The following RELN variants were observed in gnomAD, a reference collection of about 807,000 sequenced individuals.
RELN encodes the protein reelin.
In RELN, 108 loss-of-function variants were observed where a neutral mutation model predicts 427.6. The observed-to-expected ratio is 0.25, with a 90% CI of 0.22 to 0.30. RELN has a LOEUF of 0.30. RELN is among the 10% of genes least tolerant of loss of function. The pLI, the probability that RELN is intolerant of heterozygous loss-of-function variation, is 1.00. For synonymous variants in RELN, 1,524 were observed against 1,513.4 expected (o/e 1.01, Z -0.16); for missense variants, 3,715 against 4,302.8 (o/e 0.86, Z 3.82).
intron 16 of RELN, among the ~76,000 whole-genome samples, chr7:103,643,411 T>C (rs369144777): frequency 1.3e-5 from 2 of 152,152 alleles, no homozygotes; most frequent in African/African-American, 2.4e-5. Context: ...TCTTGTATCA[T>C]GGCTTCCCAA....
chr7:103,923,115 C>T (rs1795651762), intron 1 of RELN, among the ~76,000 whole-genome samples: 1 of 152,084 alleles, frequency 6.6e-6, no homozygotes, highest in Non-Finnish European at 1.5e-5. Context: ...TTGCATTTTG[C>T]CTTATGAAGA....
chr7:103,481,849 GACTGTTACTTTAA>G (rs1828249905), intron 63 of RELN: 2 of 152,134 alleles, frequency 1.3e-5, no homozygotes, highest in Non-Finnish European at 2.9e-5. Context: ...AATGAGTCTG[GACTGTTACTTTAA>G]ACTTCAACTT....
chr7:103,736,405 A>G (rs1790493533), intron 6 of RELN, among the ~76,000 whole-genome samples: 1 of 152,222 alleles, frequency 6.6e-6, no homozygotes, highest in South Asian at 2.1e-4. Flanking sequence ...AGTTCATTGT[A>G]TAAGACTGAG....
intron 2 of RELN, among the ~76,000 whole-genome samples, chr7:103,914,256 AC>A (rs1795433491): frequency 6.6e-6 from 1 of 152,158 alleles, no homozygotes; most frequent in Admixed American, 6.6e-5. Context: ...AAATGTGCTT[AC>A]AACACACTTA....
intron 2 of RELN, among the ~76,000 whole-genome samples, chr7:103,837,295 G>C (rs1023499720): frequency 6.6e-6 from 1 of 152,106 alleles, no homozygotes; most frequent in Non-Finnish European, 1.5e-5. Flanking sequence ...GCTCCCATCA[G>C]ATTCTAGAGA....
chr7:103,501,093 G>T (rs534605616), intron 52 of RELN, among the ~76,000 whole-genome samples, 171 bp from the exon 53 acceptor site: 1 of 152,082 alleles, frequency 6.6e-6, no homozygotes, highest in East Asian at 1.9e-4. Flanking sequence ...TCTAGTAATG[G>T]AACTTTCAAG....
intron 64 of RELN, among the ~76,000 whole-genome samples, chr7:103,473,362 AAAAAC>A (rs1230889060): frequency 6.6e-6 from 1 of 152,314 alleles, no homozygotes; most frequent in African/African-American, 2.4e-5. Flanking sequence ...CTTAAAAACT[AAAAAC>A]AAAGAAACAG....
At chr7:103,912,441 C>T (rs1162290691) in intron 2 of RELN, among the ~76,000 whole-genome samples, 1 of 152,104 alleles carries the variant, frequency 6.6e-6, no homozygotes, top group Non-Finnish European at 1.5e-5. Flanking sequence ...CACTTGGCCT[C>T]CCAAAGTGCT....
intron 3 of RELN, among the ~76,000 whole-genome samples, chr7:103,819,177 G>C (rs989155145): frequency 1.3e-5 from 2 of 151,778 alleles, no homozygotes; most frequent in Admixed American, 6.6e-5. Context: ...AGGTAAAATT[G>C]TATTAAAACT....
intron 24 of RELN, among the ~76,000 whole-genome samples, chr7:103,602,727 T>C (rs561244231): frequency 1.3e-5 from 2 of 152,162 alleles, no homozygotes; most frequent in African/African-American, 4.8e-5. Flanking sequence ...AAATACCTAA[T>C]GTAGATGATG....
chr7:103,601,918 C>G (rs748700510), intron 24 of RELN, among the ~76,000 whole-genome samples: 2 of 152,128 alleles, frequency 1.3e-5, no homozygotes, highest in Admixed American at 1.3e-4. Flanking sequence ...GGGAAGCTGA[C>G]TACTGCAAGA....
At chr7:103,917,356 C>T (rs750747317) in intron 1 of RELN, among the ~76,000 whole-genome samples, 171 bp from the exon 2 acceptor site, 7 of 152,056 alleles carry the variant, frequency 4.6e-5, no homozygotes, top group African/African-American at 1.2e-4. Context: ...TAAAGAAGCT[C>T]GGAACTCCAG....
At chr7:103,496,813 C>T in intron 55 of RELN, 45 bp from the exon 56 acceptor site, 3 of 1,606,460 alleles carry the variant, frequency 1.9e-6, no homozygotes, top group Non-Finnish European at 2.6e-6. Context: ...CTAGAATCTC[C>T]TGCCTCCTCA....
At chr7:103,766,945 T>A (rs1206910353) in intron 4 of RELN, among the ~76,000 whole-genome samples, 1 of 152,250 alleles carries the variant, frequency 6.6e-6, no homozygotes, top group Non-Finnish European at 1.5e-5. Flanking sequence ...GGGTGGTTTA[T>A]AAATGGCACG....
At chr7:103,780,946 C>G (rs1266424967) in intron 3 of RELN, among the ~76,000 whole-genome samples, 1 of 152,142 alleles carries the variant, frequency 6.6e-6, no homozygotes, top group Admixed American at 6.5e-5. Flanking sequence ...TGCTGCTGCC[C>G]AAACCCTGGA....
chr7:103,550,577 T>C (rs985206606), intron 41 of RELN, among the ~76,000 whole-genome samples: 1 of 151,678 alleles, frequency 6.6e-6, no homozygotes. Flanking sequence ...CTGAGAGAGG[T>C]TGGAAAAGTA....
intron 7 of RELN, among the ~76,000 whole-genome samples, chr7:103,725,924 A>G (rs746687403): frequency 2.0e-5 from 3 of 152,206 alleles, no homozygotes; most frequent in Non-Finnish European, 2.9e-5. Context: ...TCCTCCTTTT[A>G]GCATTTTAAA....
chr7:103,869,860 C>T (rs560593509), intron 2 of RELN, among the ~76,000 whole-genome samples: 13 of 152,216 alleles, frequency 8.5e-5, no homozygotes, highest in African/African-American at 3.1e-4. Flanking sequence ...TTCTCTGTTT[C>T]TGGAAGTCCT....
At chr7:103,610,861 A>C in intron 21 of RELN, 54 bp from the exon 22 acceptor site, 2 of 945,062 alleles carry the variant, frequency 2.1e-6, no homozygotes, top group Non-Finnish European at 3.5e-6. Flanking sequence ...CTCAGGTGAA[A>C]TATGTCTACT....
Sources: gnomAD v4.1 joint callset for allele counts (sites outside exome capture counted in the v4.1 genomes callset) on GRCh38, gnomAD v4.1.1 for gene constraint, MANE v1.5 for transcripts, NCBI Gene and HGNC (gene_info 2026-07-23, HGNC 2026-07-21) for gene names.